The following CALCRL variants were observed in gnomAD, a reference collection of about 807,000 sequenced individuals.
CALCRL encodes the protein calcitonin receptor like receptor.
A neutral mutation model predicts 60.4 loss-of-function variants in CALCRL; 27 were observed. The ratio of observed to expected loss-of-function variants is 0.45; its 90% CI spans 0.33 to 0.62. The LOEUF is 0.62. CALCRL is among the 20% of genes least tolerant of loss of function. CALCRL has a pLI of 0.03. For missense variants in CALCRL, 424 were observed against 540.7 expected (o/e 0.78, Z 2.14); for synonymous variants, 190 against 182.6 (o/e 1.04, Z -0.33).
chr2:187,366,286 T>C lies in CALCRL; in HGVS notation c.501-2784A>G, dbSNP rs557171971. Among the ~76,000 whole-genome samples the C allele has an allele frequency of 8.5e-3, 1,266 of 148,632 alleles. 17 individuals are homozygous for C. Among genetic ancestry groups the C allele is most frequent in the Non-Finnish European group, 0.014 (928 of 67,316 alleles). On this transcript the variant is annotated intron_variant, in intron 8 of 14. Transcript: ENST00000392370. ...AAAAAAAAAGAGGAATAAATTCTAG[T>C]GTTCTATATCACTGTAGGATGACTA...
At position 187,359,330 on chromosome 2, in the gene CALCRL, A is replaced by G. The variant is rs1706287; in HGVS notation, c.782-58T>C. 0.86 allele frequency: 1,072,844 copies of G among 1,243,314 alleles called. 463,646 individuals carry two copies. Among genetic ancestry groups the G allele is most frequent in the African/African-American group, 0.91 (59,440 of 65,248 alleles). 77.0% of individuals were successfully genotyped at this position (1,243,314 alleles called of 1,614,324 possible). A position where few individuals can be genotyped will look rare whatever the true frequency, so the allele number is the denominator to read the frequency against. ...GCATTTTTTCTACAGATGGTATTTC[A>G]AAAATATGTAATTAAATACAAAAAT... On this transcript the variant is annotated intron_variant, in intron 10 of 14. Transcript: ENST00000392370.
Position 187,431,675 on chromosome 2 carries a change from A to G in CALCRL, c.-293+16364T>C, listed in dbSNP as rs150641007. Reference sequence around the variant, plus strand: ...GTTCTTTAAGGTCTTGGCCCTAGGAAGATGTGTAATCTATGTATGAATGGC... The same window carrying G: ...GTTCTTTAAGGTCTTGGCCCTAGGAGGATGTGTAATCTATGTATGAATGGC... On this transcript the variant is annotated intron_variant, in intron 1 of 14. Transcript: ENST00000392370. Among the ~76,000 whole-genome samples the G allele has an allele frequency of 3.5e-3, 534 of 152,060 alleles. 4 individuals are homozygous for G. The highest frequency in any genetic ancestry group is 0.012 in the African/African-American group (509 of 41,514).
intron 8 of CALCRL, among the ~76,000 whole-genome samples, chr2:187,366,918 CCCCACA>C (rs1196288412): frequency 0.085 from 7,219 of 84,458 alleles, 207 homozygotes; most frequent in Middle Eastern, 0.18. Flanking sequence ...GTGAGTATAA[CCCCACA>C]CACACACACA....
At chr2:187,414,117 T>C (rs1358653440) in intron 1 of CALCRL, among the ~76,000 whole-genome samples, 3 of 152,124 alleles carry the variant, frequency 2.0e-5, no homozygotes, top group Non-Finnish European at 4.4e-5. Context: ...TCATATTGGA[T>C]ATCATTACCT....
chr2:187,355,079 A>G (rs906417391), intron 12 of CALCRL, among the ~76,000 whole-genome samples: 4 of 152,148 alleles, frequency 2.6e-5, no homozygotes, highest in Admixed American at 6.6e-5. Context: ...ATAATATTCT[A>G]TGCACTAACT....
At chr2:187,403,089 T>C (rs2105828629) in intron 1 of CALCRL, among the ~76,000 whole-genome samples, 1 of 151,828 alleles carries the variant, frequency 6.6e-6, no homozygotes, top group South Asian at 2.1e-4. Flanking sequence ...CAGACTTCCA[T>C]GCTCCAGAAA....
intron 1 of CALCRL, among the ~76,000 whole-genome samples, chr2:187,434,411 A>T (rs1360272084): frequency 6.6e-6 from 1 of 152,166 alleles, no homozygotes; most frequent in East Asian, 1.9e-4. Context: ...CATAATAAGG[A>T]AAATGCAGAT....
intron 1 of CALCRL, among the ~76,000 whole-genome samples, chr2:187,397,256 A>G (rs892461235): frequency 1.3e-5 from 2 of 151,586 alleles, no homozygotes; most frequent in African/African-American, 4.8e-5. Context: ...GGTCACATGC[A>G]TCTTGAGTTT....
chr2:187,406,348 G>A (rs1360282634), intron 1 of CALCRL, among the ~76,000 whole-genome samples: 14 of 151,786 alleles, frequency 9.2e-5, no homozygotes, highest in Non-Finnish European at 1.9e-4. Context: ...GTAAGCAAAC[G>A]TGTTCCTTGA....
In CALCRL at chr2:187,426,565, T is replaced by C. The variant is rs559019575; in HGVS notation, c.-293+21474A>G. Among the ~76,000 whole-genome samples, 3 of 152,216 alleles carry C rather than the reference T, an allele frequency of 2.0e-5. No homozygotes were observed. The South Asian group carries it at 6.2e-4, about 32-fold the overall frequency. ...ACCTATTTATACCTCTACTTGTAGC[T>C]ATCTATTTATATAGAGTGTCCACCA... is the stretch of plus-strand genomic sequence containing the variant. On this transcript the variant is annotated intron_variant, in intron 1 of 14. Coordinates refer to ENST00000392370, the MANE Select transcript of CALCRL (RefSeq NM_005795.6).
intron 5 of CALCRL, 52 bp from the exon 6 acceptor site, chr2:187,380,839 G>T: frequency 7.1e-7 from 1 of 1,398,796 alleles, no homozygotes; most frequent in Non-Finnish European, 1.0e-6. Context: ...ACTTATACAT[G>T]AAGACATAGT....
At chr2:187,428,493 G>A (rs1409067483) in intron 1 of CALCRL, 1 of 152,108 alleles carries the variant, frequency 6.6e-6, no homozygotes, top group Non-Finnish European at 1.5e-5. Flanking sequence ...CATACACATG[G>A]GAGTATACCT....
intron 1 of CALCRL, among the ~76,000 whole-genome samples, chr2:187,421,369 C>T (rs935491840): frequency 3.9e-5 from 6 of 152,134 alleles, no homozygotes; most frequent in African/African-American, 1.4e-4. Flanking sequence ...CTTTTATTTG[C>T]ACCTCAGAAC....
chr2:187,405,377 T>A (rs910252765), intron 1 of CALCRL, among the ~76,000 whole-genome samples: 2 of 152,012 alleles, frequency 1.3e-5, no homozygotes, highest in Non-Finnish European at 2.9e-5. Context: ...ATGGGCACTG[T>A]CTCCAAAATC....
At position 187,380,569 on chromosome 2, in the gene CALCRL, T is replaced by C; in HGVS notation, c.306A>G (p.Thr102=). The C allele has an allele frequency of 6.2e-7, 1 of 1,611,788 alleles. No individual in the cohort carries two copies. Among genetic ancestry groups the C allele is most frequent in the Middle Eastern group, 1.7e-4 (1 of 6,052 alleles). The part of the protein sequence containing the change: ...FQDFDPSEKV[T]KICDQDGNWF... ...AGTTTCCATCTTGGTCACAGATCTTTGTAACTTTTTCTTTAAAATTAAAAA... is the reference window on the plus strand; with the variant it reads ...AGTTTCCATCTTGGTCACAGATCTTCGTAACTTTTTCTTTAAAATTAAAAA... The change falls in exon 7 of 15, where the codon ACA becomes ACG. Residue 102 remains threonine (T), a synonymous_variant. Coordinates refer to ENST00000392370, the MANE Select transcript of CALCRL (RefSeq NM_005795.6).
intron 1 of CALCRL, among the ~76,000 whole-genome samples, chr2:187,420,242 T>G (rs188387275): frequency 2.6e-4 from 40 of 152,282 alleles, no homozygotes; most frequent in Admixed American, 8.5e-4. Context: ...TCATATCAAG[T>G]ATTATTTTGA....
chr2:187,363,069 T>A (rs1240352599), intron 9 of CALCRL, among the ~76,000 whole-genome samples: 1 of 152,152 alleles, frequency 6.6e-6, no homozygotes, highest in Admixed American at 6.5e-5. Flanking sequence ...AGTGAAGATA[T>A]GTGTACATGT....
At chr2:187,442,614 A>G (rs1035840473) in intron 1 of CALCRL, among the ~76,000 whole-genome samples, 1 of 151,902 alleles carries the variant, frequency 6.6e-6, no homozygotes, top group African/African-American at 2.4e-5. Context: ...TTTAAAAAAA[A>G]TGGTCAAAAA....
At chr2:187,396,110 G>C (rs752291491) in intron 1 of CALCRL, among the ~76,000 whole-genome samples, 11 of 151,116 alleles carry the variant, frequency 7.3e-5, no homozygotes, top group Admixed American at 2.6e-4. Flanking sequence ...TAGCTCACGG[G>C]AAAAAGTGGA....
Sources: allele counts gnomAD v4.1 joint callset (sites outside exome capture counted in the v4.1 genomes callset), GRCh38; gene constraint gnomAD v4.1.1; transcripts MANE v1.5; gene names NCBI Gene and HGNC (gene_info 2026-07-23, HGNC 2026-07-21).